The following TRPV3 variants were observed in gnomAD, a reference collection of about 807,000 sequenced individuals.
The protein encoded by TRPV3 is VRL-3.
TRPV3 carries 88 observed loss-of-function variants against 87.1 expected under a neutral mutation model. That is an observed-to-expected ratio of 1.01 (90% CI 0.85 to 1.21). The LOEUF is 1.21. Ranked by LOEUF, TRPV3 falls within the 50% of genes most tolerant of loss-of-function variation. The pLI, the probability that TRPV3 is intolerant of heterozygous loss-of-function variation, is 0.00. For missense variants in TRPV3, 1,054 were observed against 1,030.1 expected (o/e 1.02, Z -0.32); for synonymous variants, 438 against 423.3 (o/e 1.03, Z -0.43).
Position 3,530,703 on chromosome 17 carries a change from C to A in TRPV3, c.1066-500G>T, listed in dbSNP as rs775103170. Among the ~76,000 whole-genome samples, 1 of 152,118 alleles carries A rather than the reference C, an allele frequency of 6.6e-6. No homozygotes were observed. Among genetic ancestry groups the A allele is most frequent in the African/African-American group, 2.4e-5 (1 of 41,430 alleles). On this transcript the variant is annotated intron_variant, in intron 8 of 17. Transcript: ENST00000576742. The surrounding 1 kb of genome is among the most constrained non-coding windows in gnomAD (Gnocchi z 4.0). ...CCCTACAGGGAGGCCCGTGGGACTT[C>A]GGTAGGCCAGTGATCCTCAAACTCT... is the stretch of plus-strand genomic sequence containing the variant.
intron 13 of TRPV3, among the ~76,000 whole-genome samples, chr17:3,521,337 A>T (rs531174284): frequency 6.6e-6 from 1 of 152,332 alleles, no homozygotes; most frequent in African/African-American, 2.4e-5. Context: ...GGGCAGTGGC[A>T]TGCTGGAGCC....
At chr17:3,516,055 G>A (rs8080140) in intron 16 of TRPV3, among the ~76,000 whole-genome samples, 25,204 of 151,532 alleles carry the variant, frequency 0.17, 2,906 homozygotes, top group East Asian at 0.57. Context: ...GGGTGGTGGC[G>A]CATGCCTGTA....
At position 3,530,326 on chromosome 17, in the gene TRPV3, C is replaced by G; in HGVS notation, c.1066-123G>C. On this transcript the variant is annotated intron_variant, in intron 8 of 17. Coordinates refer to ENST00000576742, the MANE Select transcript of TRPV3 (RefSeq NM_145068.4). This position sits in a 1 kb window ranked among gnomAD's most constrained non-coding sequence, Gnocchi z 4.0. ...CCGCCCAGAATGGGTGGAGACCTGC[C>G]TCTGCGCCTGGCGCCATGGCCCCTG... 1.0e-6 allele frequency: 1 copy of G among 954,010 alleles called. No individual in the cohort carries two copies. The highest frequency in any genetic ancestry group is 1.9e-5 in the South Asian group (1 of 52,086). The allele number at this position is 954,010 out of a possible 1,614,324, so 59.1% of individuals were successfully genotyped here. A position where few individuals can be genotyped will look rare whatever the true frequency, so the allele number is the denominator to read the frequency against.
intron 2 of TRPV3, chr17:3,554,343 GGT>G: frequency 2.8e-5 from 5 of 178,986 alleles, no homozygotes; most frequent in East Asian, 1.5e-4. Flanking sequence ...GAAAGCCATG[GGT>G]GTGTGTGTGG....
At chr17:3,519,739 TGGATG>T (rs2074224586) in intron 14 of TRPV3, among the ~76,000 whole-genome samples, 1 of 148,186 alleles carries the variant, frequency 6.7e-6, no homozygotes, top group Non-Finnish European at 1.5e-5. Context: ...GATGGATGGA[TGGATG>T]GATTGATGGA....
At chr17:3,522,651 C>T (rs1442266690) in intron 13 of TRPV3, among the ~76,000 whole-genome samples, 1 of 150,826 alleles carries the variant, frequency 6.6e-6, no homozygotes, top group African/African-American at 2.4e-5. Flanking sequence ...GAAACCCCAT[C>T]TCTACTAAAA....
In TRPV3 at chr17:3,554,761, C is replaced by A. The variant is rs140273210; in HGVS notation, c.90G>T (p.Arg30Ser). ...SGNPAILPEK[R>S]PAEITPTKKS... ...TCTTTGTGGGGGTGATCTCCGCCGG[C>A]CTCTTCTCTGGCAGGATGGCAGGGT... is the stretch of plus-strand genomic sequence containing the variant. Residue 30 changes from arginine to serine, a missense_variant, in exon 2 of 18, where the codon AGG becomes AGT. Coordinates refer to ENST00000576742, the MANE Select transcript of TRPV3 (RefSeq NM_145068.4). 4 of 1,612,784 alleles carry A rather than the reference C, an allele frequency of 2.5e-6. No individual in the cohort carries two copies. The African/African-American group carries it at 5.3e-5, about 22-fold the overall frequency.
chr17:3,521,479 A>C (rs1442814872), intron 13 of TRPV3, among the ~76,000 whole-genome samples: 1 of 152,228 alleles, frequency 6.6e-6, no homozygotes, highest in Non-Finnish European at 1.5e-5. Flanking sequence ...AATGGACAGC[A>C]TGATGACTAT....
chr17:3,527,257 C>T (rs562498476), intron 11 of TRPV3, among the ~76,000 whole-genome samples: 1 of 152,306 alleles, frequency 6.6e-6, no homozygotes, highest in South Asian at 2.1e-4. Context: ...TTTGCTCATG[C>T]TGTTCCCCAT....
chr17:3,522,141 C>T (rs2074252817), intron 13 of TRPV3, among the ~76,000 whole-genome samples: 1 of 151,914 alleles, frequency 6.6e-6, no homozygotes, highest in African/African-American at 2.4e-5. Flanking sequence ...AAAACTCATC[C>T]CCGTCCAGTT....
At position 3,513,942 on chromosome 17, in the gene TRPV3, T is replaced by C. The variant is rs1329002932; in HGVS notation, c.2348A>G (p.Glu783Gly). The change falls in exon 18 of 18, where the codon GAG becomes GGG. Residue 783 changes from glutamate to glycine, a missense_variant. Transcript: ENST00000576742. ...KTTLNAFEEVEEFPETSV is the reference protein window; with the variant it reads ...KTTLNAFEEVGEFPETSV ...CTACACCGAGGTTTCCGGGAATTCCTCGACTTCTTCAAATGCATTGAGAGT... is the reference window on the plus strand; with the variant it reads ...CTACACCGAGGTTTCCGGGAATTCCCCGACTTCTTCAAATGCATTGAGAGT... 5 of 1,614,080 alleles carry C rather than the reference T, an allele frequency of 3.1e-6. No homozygotes were observed. The highest frequency in any genetic ancestry group is 3.3e-5 in the Admixed American group (2 of 60,016).
intron 13 of TRPV3, among the ~76,000 whole-genome samples, chr17:3,523,651 G>A (rs1406534752): frequency 6.6e-6 from 1 of 150,830 alleles, no homozygotes; most frequent in African/African-American, 2.4e-5. Flanking sequence ...CCAGGAGGCA[G>A]AGGTTGCAGG....
chr17:3,519,816 G>A (rs1180962687), intron 14 of TRPV3, among the ~76,000 whole-genome samples: 2 of 147,754 alleles, frequency 1.4e-5, no homozygotes, highest in Non-Finnish European at 3.0e-5. Context: ...ATTGATCGAT[G>A]GATGGATGAT....
chr17:3,523,030 A>G (rs1207708377), intron 13 of TRPV3, among the ~76,000 whole-genome samples: 1 of 151,996 alleles, frequency 6.6e-6, no homozygotes, highest in African/African-American at 2.4e-5. Context: ...ATAAGGGGGG[A>G]CTACTGTATT....
chr17:3,547,029 G>A (rs2074533815), intron 2 of TRPV3, among the ~76,000 whole-genome samples: 1 of 151,660 alleles, frequency 6.6e-6, no homozygotes, highest in African/African-American at 2.4e-5. Context: ...GCTGAACCCG[G>A]GTCTCTACTG....
chr17:3,532,654 C>T lies in TRPV3; in HGVS notation c.1065+3G>A. On this transcript the variant is annotated splice_donor_region_variant and intron_variant, in intron 8 of 17. Coordinates refer to ENST00000576742, the MANE Select transcript of TRPV3 (RefSeq NM_145068.4). ...CCTGCCTCCCCACGCCCCATGGCCC[C>T]ACCTCCGCCTTGCCCATCTTGGCGG... is the stretch of plus-strand genomic sequence containing the variant. The T allele has an allele frequency of 6.2e-7, 1 of 1,613,718 alleles. No individual in the cohort carries two copies. The highest frequency in any genetic ancestry group is 8.5e-7 in the Non-Finnish European group (1 of 1,179,876).
chr17:3,548,037 C>T (rs1212799773), intron 2 of TRPV3, among the ~76,000 whole-genome samples: 1 of 152,136 alleles, frequency 6.6e-6, no homozygotes, highest in Non-Finnish European at 1.5e-5. Context: ...AACTCTCCTG[C>T]CCTGCAGCTG....
At chr17:3,544,812 C>T in intron 3 of TRPV3, 147 bp from the exon 4 acceptor site, 1 of 642,026 alleles carries the variant, frequency 1.6e-6, no homozygotes, top group Non-Finnish European at 2.7e-6. Context: ...GCCTGGCCAA[C>T]ATGGTGAAAC....
rs567437071 is a variant in TRPV3 at position 3,530,491 on chromosome 17, C to A, written c.1066-288G>T. Among the ~76,000 whole-genome samples the A allele has an allele frequency of 3.9e-5, 6 of 151,978 alleles. No homozygotes were observed. Among genetic ancestry groups the A allele is most frequent in the African/African-American group, 1.4e-4 (6 of 41,546 alleles). On this transcript the variant is annotated intron_variant, in intron 8 of 17. Coordinates refer to ENST00000576742, the MANE Select transcript of TRPV3 (RefSeq NM_145068.4). This position sits in a 1 kb window ranked among gnomAD's most constrained non-coding sequence, Gnocchi z 4.0. ...TGCACAATCAGCTTGAAATGCCTCACGCCAGCTGGGGACCCGGTTCGGTGA... is the reference window on the plus strand; with the variant it reads ...TGCACAATCAGCTTGAAATGCCTCAAGCCAGCTGGGGACCCGGTTCGGTGA...
Sources: gnomAD v4.1 joint callset for allele counts (sites outside exome capture counted in the v4.1 genomes callset) on GRCh38, gnomAD v4.1.1 for gene constraint, Gnocchi (gnomAD v3.1) non-coding constraint, MANE v1.5 for transcripts, NCBI Gene and HGNC (gene_info 2026-07-23, HGNC 2026-07-21) for gene names.